Variants in HS6ST3 observed in about 807,000 individuals in gnomAD.
HS6ST3 encodes the protein heparan sulfate 6-O-sulfotransferase 3, also known as heparan-sulfate 6-O-sulfotransferase 3.
Under a neutral mutation model 36.7 loss-of-function variants are expected in HS6ST3, and 12 were observed. That is an observed-to-expected ratio of 0.33 (90% CI 0.21 to 0.53). The LOEUF is 0.53. Among genes scored for constraint, HS6ST3 ranks in the 20% least tolerant of loss-of-function variants. HS6ST3 has a pLI of 0.95. For synonymous variants in HS6ST3, 240 were observed against 257.5 expected, an observed-to-expected ratio of 0.93 and a Z score of 0.65; for missense variants, 584 against 640.9, an observed-to-expected ratio of 0.91 and a Z score of 0.96.
chr13:96,584,230 G>A (rs1006509963), intron 1 of HS6ST3, among the ~76,000 whole-genome samples: 1 of 151,962 alleles, frequency 6.6e-6, no homozygotes, highest in African/African-American at 2.4e-5. Context: ...TGCAGCCTTC[G>A]CCTCCTGAGT....
chr13:96,765,816 T>C (rs1435113324), intron 1 of HS6ST3, among the ~76,000 whole-genome samples: 1 of 152,140 alleles, frequency 6.6e-6, no homozygotes, highest in East Asian at 1.9e-4. Context: ...TGTTTTACTA[T>C]GAAACAGGTC....
intron 1 of HS6ST3, among the ~76,000 whole-genome samples, chr13:96,485,675 A>G (rs2055910622): frequency 2.0e-5 from 3 of 152,076 alleles, no homozygotes; most frequent in Non-Finnish European, 2.9e-5. Flanking sequence ...GAAAGCTTCA[A>G]ATTTTCACCA....
chr13:96,561,978 A>C (rs1246266936), intron 1 of HS6ST3, among the ~76,000 whole-genome samples: 1 of 152,200 alleles, frequency 6.6e-6, no homozygotes, highest in Non-Finnish European at 1.5e-5. Flanking sequence ...GAGATTTGTC[A>C]AATAAGTTAA....
At chr13:96,120,313 T>G (rs1054919784) in intron 1 of HS6ST3, among the ~76,000 whole-genome samples, 2 of 152,178 alleles carry the variant, frequency 1.3e-5, no homozygotes, top group African/African-American at 4.8e-5. Flanking sequence ...GCTACCCAGT[T>G]TGTATTAACA....
intron 1 of HS6ST3, among the ~76,000 whole-genome samples, chr13:96,708,199 G>A (rs191259893): frequency 4.9e-4 from 74 of 152,326 alleles, no homozygotes; most frequent in African/African-American, 1.7e-3. Context: ...ACTTCATAGT[G>A]TGTTTGTGGA....
chr13:96,615,742 A>G (rs1010892444), intron 1 of HS6ST3, among the ~76,000 whole-genome samples: 1 of 152,200 alleles, frequency 6.6e-6, no homozygotes, highest in African/African-American at 2.4e-5. Context: ...CTTGTGACAC[A>G]AAGTGCATAT....
intron 1 of HS6ST3, among the ~76,000 whole-genome samples, chr13:96,684,309 G>A (rs1296136520): frequency 6.6e-6 from 1 of 151,804 alleles, no homozygotes; most frequent in Admixed American, 6.6e-5. Flanking sequence ...CTATATTTCT[G>A]CATCTAGAGG....
chr13:96,163,767 G>A (rs1264420781), intron 1 of HS6ST3, among the ~76,000 whole-genome samples: 1 of 152,178 alleles, frequency 6.6e-6, no homozygotes, highest in Non-Finnish European at 1.5e-5. Context: ...TGCACGAAAT[G>A]ATGTACTTAG....
rs117767191 is a variant in HS6ST3 at position 96,594,024 on chromosome 13, T to C, written c.708-238466T>C. ...CAGGCTGGAGTGCAATGGCGCGATCTCAGCTCACCGCGATCTCAGCTCACC... is the reference window on the plus strand; with the variant it reads ...CAGGCTGGAGTGCAATGGCGCGATCCCAGCTCACCGCGATCTCAGCTCACC... On this transcript the variant is annotated intron_variant, in intron 1 of 1. Coordinates refer to ENST00000376705, the MANE Select transcript of HS6ST3 (RefSeq NM_153456.4). Among the ~76,000 whole-genome samples the C allele has an allele frequency of 1.1e-3, 162 of 151,904 alleles. 5 individuals are homozygous for C. The East Asian group carries it at 0.022, about 21-fold the overall frequency.
intron 1 of HS6ST3, among the ~76,000 whole-genome samples, chr13:96,805,766 G>A (rs1878184542): frequency 6.6e-6 from 1 of 152,144 alleles, no homozygotes; most frequent in African/African-American, 2.4e-5. Context: ...AATCACCAAC[G>A]GAGGTCACAA....
intron 1 of HS6ST3, among the ~76,000 whole-genome samples, chr13:96,661,065 C>A (rs904239408): frequency 1.3e-5 from 2 of 152,072 alleles, no homozygotes; most frequent in African/African-American, 4.8e-5. Context: ...GGCTCTTAGG[C>A]CTTTGGTCTT....
At chr13:96,372,889 A>G (rs1352166432) in intron 1 of HS6ST3, among the ~76,000 whole-genome samples, 1 of 152,112 alleles carries the variant, frequency 6.6e-6, no homozygotes, top group Admixed American at 6.5e-5. Flanking sequence ...TCCATCTCGT[A>G]TTGAACTTAC....
chr13:96,585,651 C>G (rs2056358282), intron 1 of HS6ST3, among the ~76,000 whole-genome samples: 1 of 152,188 alleles, frequency 6.6e-6, no homozygotes, highest in Admixed American at 6.5e-5. Flanking sequence ...ATTCCCTGCT[C>G]TCTAGTTCTG....
chr13:96,115,243 A>G (rs1379625588), intron 1 of HS6ST3, among the ~76,000 whole-genome samples: 1 of 152,178 alleles, frequency 6.6e-6, no homozygotes, highest in African/African-American at 2.4e-5. Context: ...GCAGAAATCA[A>G]TCTAACTAGG....
chr13:96,506,168 AACCGCCGT>A (rs1322163304), intron 1 of HS6ST3, among the ~76,000 whole-genome samples: 19 of 152,112 alleles, frequency 1.2e-4, no homozygotes, highest in African/African-American at 4.3e-4. Context: ...TAGAATTTGA[AACCGCCGT>A]ATAGTTGGCA....
intron 1 of HS6ST3, among the ~76,000 whole-genome samples, chr13:96,787,184 C>T (rs1231209246): frequency 6.6e-6 from 1 of 152,116 alleles, no homozygotes; most frequent in Non-Finnish European, 1.5e-5. Flanking sequence ...TAACTATAAA[C>T]ATTTGTGAAC....
chr13:96,108,665 A>G (rs547882259), intron 1 of HS6ST3, among the ~76,000 whole-genome samples: 2 of 152,304 alleles, frequency 1.3e-5, no homozygotes, highest in East Asian at 3.9e-4. Flanking sequence ...GCCGACACTT[A>G]GGGAAAATAG....
intron 1 of HS6ST3, among the ~76,000 whole-genome samples, chr13:96,737,902 C>A (rs1047991990): frequency 8.5e-5 from 13 of 152,132 alleles, no homozygotes; most frequent in Admixed American, 3.9e-4. Context: ...TTCTGACATT[C>A]TTCTCTTTTC....
At chr13:96,362,750 T>G (rs2055244599) in intron 1 of HS6ST3, among the ~76,000 whole-genome samples, 1 of 152,178 alleles carries the variant, frequency 6.6e-6, no homozygotes, top group Non-Finnish European at 1.5e-5. Context: ...AAACCAGGTT[T>G]TCAATGGGTT....
Sources: gnomAD v4.1 joint callset for allele counts (sites outside exome capture counted in the v4.1 genomes callset) on GRCh38, gnomAD v4.1.1 for gene constraint, MANE v1.5 for transcripts, NCBI Gene and HGNC (gene_info 2026-07-23, HGNC 2026-07-21) for gene names.